RAB8B: variants seen among roughly 807,000 people sequenced by gnomAD.
RAB8B encodes ras-related protein Rab-8B.
A neutral mutation model predicts 32.0 loss-of-function variants in RAB8B; 11 were observed. The observed-to-expected ratio is 0.34, with a 90% CI of 0.22 to 0.57. The LOEUF (loss-of-function observed/expected upper bound fraction) is 0.57, where lower values mean the gene tolerates loss of function less well. RAB8B is among the 20% of genes least tolerant of loss of function. The pLI is 0.86. For synonymous variants in RAB8B, 103 were observed against 89.6 expected (o/e 1.15, Z -0.85); for missense variants, 190 against 258.5 (o/e 0.73, Z 1.82).
chr15:63,190,220 C>CG (rs1445890208), intron 1 of RAB8B, among the ~76,000 whole-genome samples: 7 of 151,872 alleles, frequency 4.6e-5, no homozygotes, highest in African/African-American at 1.7e-4. Flanking sequence ...GGACAGAGGA[C>CG]ACAAGGGACA....
chr15:63,213,948 G>A (rs2037769157), intron 1 of RAB8B, among the ~76,000 whole-genome samples: 1 of 152,050 alleles, frequency 6.6e-6, no homozygotes. Context: ...GGGCGTTGTG[G>A]CATGTGTCTG....
rs1269769996 is a variant in RAB8B, at chr15:63,264,484, T to C, written c.*865T>C. 6.6e-6 allele frequency: 1 copy of C among 152,216 alleles called. No homozygotes were observed. Among genetic ancestry groups the C allele is most frequent in the Non-Finnish European group, 1.5e-5 (1 of 68,032 alleles). The allele number at this position is 152,216 out of a possible 1,614,324, so 9.4% of individuals were successfully genotyped here. On this transcript the variant is annotated 3_prime_UTR_variant, in exon 8 of 8. Coordinates refer to ENST00000321437, the MANE Select transcript of RAB8B (RefSeq NM_016530.3). The stretch of plus-strand genomic sequence containing the variant: ...CTGAGAGATATACCATTTAGGGTTT[T>C]AGTGCAGCATCTAACTGTGATTCTG...
rs2038186265 is a variant in RAB8B, at chr15:63,259,490, A to T, written c.415-137A>T. The T allele has an allele frequency of 1.5e-6, 1 of 675,134 alleles. No homozygotes were observed. Among genetic ancestry groups the T allele is most frequent in the Non-Finnish European group, 2.5e-6 (1 of 398,564 alleles). 41.8% of individuals were successfully genotyped at this position (675,134 alleles called of 1,614,324 possible). The stretch of plus-strand genomic sequence containing the variant: ...TTAAATTCTGAATACAGTAGAAGAA[A>T]GCAAAGAAATTTGAGAACCACAGGA... On this transcript the variant is annotated intron_variant, in intron 5 of 7. Transcript: ENST00000321437. The surrounding 1 kb of genome is among the most constrained non-coding windows in gnomAD (Gnocchi z 4.4).
At chr15:63,194,823 G>GA (rs2037587226) in intron 1 of RAB8B, among the ~76,000 whole-genome samples, 1 of 152,054 alleles carries the variant, frequency 6.6e-6, no homozygotes, top group African/African-American at 2.4e-5. Flanking sequence ...TATTTTAAAG[G>GA]TTATTAAAAA....
intron 1 of RAB8B, among the ~76,000 whole-genome samples, chr15:63,224,888 T>C (rs2037876353): frequency 6.6e-6 from 1 of 152,172 alleles, no homozygotes; most frequent in Non-Finnish European, 1.5e-5. Context: ...AGAATCCTCA[T>C]CTTTAGCCCA....
Position 63,255,563 on chromosome 15 carries a change from T to C in RAB8B, c.303T>C (p.Asn101=), listed in dbSNP as rs1383844567. The C allele has an allele frequency of 2.5e-6, 4 of 1,604,942 alleles. No homozygotes were observed. The highest frequency in any genetic ancestry group is 1.7e-5 in the Admixed American group (1 of 60,008). Reference sequence around the variant, plus strand: ...AAAAATCCTTTGACAATATTAAAAATTGGATCAGAAACATTGAAGAGGTAT... The same window carrying C: ...AAAAATCCTTTGACAATATTAAAAACTGGATCAGAAACATTGAAGAGGTAT... ...TNEKSFDNIK[N]WIRNIEEHAS... The change falls in exon 4 of 8, where the codon AAT becomes AAC. Residue 101 remains asparagine, a synonymous_variant. Transcript: ENST00000321437.
intron 3 of RAB8B, among the ~76,000 whole-genome samples, chr15:63,251,994 A>G (rs1236003144): frequency 2.0e-5 from 3 of 152,108 alleles, no homozygotes; most frequent in Non-Finnish European, 4.4e-5. Context: ...ATTCATAGGC[A>G]TAGCAGTGAT....
rs200598991 is a variant in RAB8B at position 63,249,636 on chromosome 15, A to G, written c.186-9A>G. ...TTCAAAAACCACTCTCCTTTGTTTC[A>G]TATTTTAGGGACACAGCGGGTCAGG... On this transcript the variant is annotated splice_polypyrimidine_tract_variant and intron_variant, in intron 2 of 7. Transcript: ENST00000321437. 1.1e-4 allele frequency: 175 copies of G among 1,613,442 alleles called. No homozygotes were observed. Among genetic ancestry groups the G allele is most frequent in the Non-Finnish European group, 1.4e-4 (163 of 1,179,554 alleles).
In RAB8B at chr15:63,216,328, A is replaced by G. The variant is rs145423894; in HGVS notation, c.124+26580A>G. Among the ~76,000 whole-genome samples the G allele has an allele frequency of 5.4e-4, 80 of 149,522 alleles. 1 individual carries two copies. In the East Asian group the frequency reaches 0.012, roughly 22 times the overall value. ...ACTGCAACCTCCGCCTCCTGGTTTC[A>G]TGCAATTCTCCTGCCTCAACCTCCC... On this transcript the variant is annotated intron_variant, in intron 1 of 7. Coordinates refer to ENST00000321437, the MANE Select transcript of RAB8B (RefSeq NM_016530.3).
At chr15:63,218,275 C>A (rs1353849852) in intron 1 of RAB8B, among the ~76,000 whole-genome samples, 1 of 152,118 alleles carries the variant, frequency 6.6e-6, no homozygotes, top group African/African-American at 2.4e-5. Flanking sequence ...ATTAAAGCCC[C>A]CTTGCAGACT....
chr15:63,258,779 C>T (rs2038178253), intron 5 of RAB8B, among the ~76,000 whole-genome samples: 1 of 152,060 alleles, frequency 6.6e-6, no homozygotes, highest in African/African-American at 2.4e-5. Flanking sequence ...AGAAGGTGAC[C>T]AATCAAAGGA....
intron 1 of RAB8B, among the ~76,000 whole-genome samples, chr15:63,202,965 C>T (rs2037665625): frequency 6.6e-6 from 1 of 152,232 alleles, no homozygotes; most frequent in Admixed American, 6.5e-5. Context: ...TCTCTGAGCC[C>T]TCTCTTAGCC....
chr15:63,213,692 T>C (rs2037766010), intron 1 of RAB8B, among the ~76,000 whole-genome samples: 1 of 152,204 alleles, frequency 6.6e-6, no homozygotes, highest in South Asian at 2.1e-4. Flanking sequence ...TTTATATGAG[T>C]GTTGAAACTT....
At chr15:63,254,938 CT>C (rs1419639967) in intron 3 of RAB8B, among the ~76,000 whole-genome samples, 1 of 152,044 alleles carries the variant, frequency 6.6e-6, no homozygotes, top group African/African-American at 2.4e-5. Flanking sequence ...GACATGGAGT[CT>C]TTAAAAATAT....
At chr15:63,212,033 A>G (rs1041734816) in intron 1 of RAB8B, among the ~76,000 whole-genome samples, 3 of 151,990 alleles carry the variant, frequency 2.0e-5, no homozygotes, top group East Asian at 1.9e-4. Flanking sequence ...GAGTCTCTCT[A>G]TGTTGCCTGG....
chr15:63,256,603 G>C lies in RAB8B; in HGVS notation c.414+9G>C. On this transcript the variant is annotated intron_variant, in intron 5 of 7. Transcript: ENST00000321437. The stretch of plus-strand genomic sequence containing the variant: ...AAGAAAGAGGGGAGAAGGTAAATGT[G>C]AATGGAATGGATAAAGGTTGGAATC... 1.9e-6 allele frequency: 3 copies of C among 1,551,236 alleles called. No individual in the cohort carries two copies. Among genetic ancestry groups the C allele is most frequent in the Non-Finnish European group, 2.6e-6 (3 of 1,133,480 alleles).
intron 1 of RAB8B, among the ~76,000 whole-genome samples, chr15:63,212,285 G>A (rs1475808083): frequency 1.3e-5 from 2 of 152,198 alleles, no homozygotes; most frequent in African/African-American, 2.4e-5. Context: ...TCTTGGATAG[G>A]TCACCATGTT....
chr15:63,230,058 A>AT (rs55940587), intron 1 of RAB8B, among the ~76,000 whole-genome samples: 19,365 of 149,754 alleles, frequency 0.13, 1,754 homozygotes, highest in East Asian at 0.47. Context: ...CAAAATGTTG[A>AT]TTTTTTTTTT....
At chr15:63,240,479 T>A (rs961881522) in intron 1 of RAB8B, among the ~76,000 whole-genome samples, 1 of 152,180 alleles carries the variant, frequency 6.6e-6, no homozygotes, top group African/African-American at 2.4e-5. Context: ...TCACAAGTTT[T>A]TAGTGACAGT....
Sources: allele counts gnomAD v4.1 joint callset (sites outside exome capture counted in the v4.1 genomes callset), GRCh38; gene constraint gnomAD v4.1.1; non-coding constraint Gnocchi (gnomAD v3.1); transcripts MANE v1.5; gene names NCBI Gene and HGNC (gene_info 2026-07-23, HGNC 2026-07-21).